The following PARP10 variants were observed in gnomAD, a reference collection of about 807,000 sequenced individuals.
The protein encoded by PARP10 is poly(ADP-ribose) polymerase family member 10.
Under a neutral mutation model 82.4 loss-of-function variants are expected in PARP10, and 56 were observed. The ratio of observed to expected loss-of-function variants is 0.68; its 90% confidence interval spans 0.55 to 0.85. The LOEUF is 0.85. Ranked by LOEUF, PARP10 falls within the 40% of genes least tolerant of loss-of-function variation. The pLI is 0.00. For missense variants in PARP10, 1,227 were observed against 1,379.4 expected, an observed-to-expected ratio of 0.89 and a Z score of 1.75; for synonymous variants, 576 against 601.1, an observed-to-expected ratio of 0.96 and a Z score of 0.61.
chr8:143,998,134 C>T (rs781981639), intron 1 of PARP10, among the ~76,000 whole-genome samples: 1 of 151,986 alleles, frequency 6.6e-6, no homozygotes, highest in Non-Finnish European at 1.5e-5. Flanking sequence ...TGTAGCTGAG[C>T]AGGAATGTAA....
At position 143,977,753 on chromosome 8, in the gene PARP10, C is replaced by G. The variant is rs1554746601; in HGVS notation, c.2809G>C (p.Ala937Pro). The change falls in exon 11 of 11, where the codon GCC becomes CCC. Residue 937 changes from alanine to proline, a missense_variant. Coordinates refer to ENST00000313028, the MANE Select transcript of PARP10 (RefSeq NM_032789.5). ...ACGAACACCGCCTTATGGCCATCGG[C>G]GTTGGGGGGCGAGTAGCGGTCCTGC... ...SVQDRYSPPN[A>P]DGHKAVFVAR... 6.2e-7 allele frequency: 1 copy of G among 1,603,618 alleles called. No individual in the cohort carries two copies. Among genetic ancestry groups the G allele is most frequent in the Non-Finnish European group, 8.5e-7 (1 of 1,175,860 alleles).
chr8:143,983,899 C>A, intron 7 of PARP10, 88 bp from the exon 8 acceptor site: 1 of 1,503,658 alleles, frequency 6.7e-7, no homozygotes, highest in Non-Finnish European at 8.9e-7. Flanking sequence ...TTTTAGGGTA[C>A]AGGGTGGGCC....
upstream of PARP10, chr8:143,986,762 C>T (rs782717121): frequency 1.8e-4 from 55 of 312,350 alleles, no homozygotes; most frequent in Admixed American, 3.2e-4. Context: ...CACCAAGGGG[C>T]CTGAGTCACT....
Position 143,983,759 on chromosome 8 carries a change from C to T in PARP10, c.1830G>A (p.Glu610=), listed in dbSNP as rs1377107848. The part of the protein sequence containing the change: ...ATLEGLDLDG[E]DWLPRELEEE... ...CCTCCAGCTCCCGAGGCAGCCAGTC[C>T]TCCCCGTCTAGGTCTAGGCCCTCCA... Residue 610 remains glutamate, a synonymous_variant, in exon 8 of 11, where the codon GAG becomes GAA. Transcript: ENST00000313028. 1 of 1,612,096 alleles carries T rather than the reference C, an allele frequency of 6.2e-7. No individual in the cohort carries two copies. The highest frequency in any genetic ancestry group is 8.5e-7 in the Non-Finnish European group (1 of 1,179,090).
rs369106066 is a variant in PARP10, at chr8:143,985,147, C to A, written c.855G>T (p.Thr285=). The change falls in exon 5 of 11, where the codon ACG becomes ACT. Residue 285 remains threonine, a synonymous_variant. Coordinates refer to ENST00000313028, the MANE Select transcript of PARP10 (RefSeq NM_032789.5). The part of the protein sequence containing the change: ...HALLRTGGLV[T]ALQGAGTVTM... ...TCACAGTCCCTGCACCCTGCAGAGC[C>A]GTCACCAACCCTCCGGTCCTCAGGA... The A allele has an allele frequency of 2.5e-6, 4 of 1,614,150 alleles. No homozygotes were observed. Among genetic ancestry groups the A allele is most frequent in the Non-Finnish European group, 3.4e-6 (4 of 1,180,034 alleles).
Position 143,983,701 on chromosome 8 carries a change from C to T in PARP10, c.1888G>A (p.Val630Met), listed in dbSNP as rs782497611. 6.2e-7 allele frequency: 1 copy of T among 1,609,708 alleles called. No homozygotes were observed. The highest frequency in any genetic ancestry group is 8.5e-7 in the Non-Finnish European group (1 of 1,177,750). The change falls in exon 8 of 11, where the codon GTG (valine) becomes ATG (methionine). Residue 630 changes from valine (V) to methionine (M), a missense_variant. By Grantham distance (21) the Val-to-Met change is conservative (BLOSUM62 1). Transcript: ENST00000313028. ...TCCTCCTCCTCATGCCCTGGGGTCA[C>T]CTCCTCCTCTGGCTGCTCCTGAGGC... ...EGPQEQPEEEVTPGHEEEEPV... is the reference protein window; with the variant it reads ...EGPQEQPEEEMTPGHEEEEPV...
upstream of PARP10, chr8:143,990,028 C>T (rs1834063400): frequency 6.6e-6 from 1 of 151,290 alleles, no homozygotes; most frequent in Non-Finnish European, 1.5e-5. The surrounding 1 kb of genome is among the most constrained non-coding windows in gnomAD (Gnocchi z 5.6). Context: ...CGAAGCTCGC[C>T]CGGCCCCGCC....
upstream of PARP10, chr8:143,991,042 C>T (rs1235236246): frequency 1.9e-5 from 9 of 466,504 alleles, no homozygotes; most frequent in Non-Finnish European, 1.5e-5. Context: ...CGCGCTTCTC[C>T]GGGCCCAGGC....
Position 143,985,192 on chromosome 8 carries a change from AGGCCCCTG to A in PARP10, c.802_809del (p.Gln268Ter). 1 of 1,614,092 alleles carries A rather than the reference AGGCCCCTG, an allele frequency of 6.2e-7. No homozygotes were observed. Reference sequence around the variant, plus strand: ...TCAGGAGAGCATGCTTGGTAGCCCTAGGCCCCTGGGTGGACGGGTGGTCCCCTCCACTG... The same window carrying A: ...TCAGGAGAGCATGCTTGGTAGCCCTAGGTGGACGGGTGGTCCCCTCCACTG... On this transcript the variant is annotated frameshift_variant, in exon 5 of 11. Coordinates refer to ENST00000313028, the MANE Select transcript of PARP10 (RefSeq NM_032789.5). LOFTEE classifies it high-confidence loss of function.
At chr8:143,988,589 C>T (rs539398306), upstream of PARP10, among the ~76,000 whole-genome samples, 454 of 152,018 alleles carry the variant, frequency 3.0e-3, 2 homozygotes, top group South Asian at 0.011. Flanking sequence ...CCTCAGCCCC[C>T]CCAATAGCTG....
intron 1 of PARP10, among the ~76,000 whole-genome samples, chr8:144,005,913 T>C (rs578194836): frequency 6.6e-5 from 10 of 151,826 alleles, no homozygotes; most frequent in South Asian, 4.2e-4. Flanking sequence ...CACCACCACA[T>C]TGACCATCTT....
At chr8:143,992,724 G>A, upstream of PARP10, 1 of 1,613,778 alleles carries the variant, frequency 6.2e-7, no homozygotes, top group Non-Finnish European at 8.5e-7. Context: ...TGCTACTGGG[G>A]AACAAGCAGC....
chr8:143,989,725 G>A (rs1352301776), upstream of PARP10: 1 of 152,248 alleles, frequency 6.6e-6, no homozygotes, highest in South Asian at 2.1e-4. This position sits in a 1 kb window ranked among gnomAD's most constrained non-coding sequence, Gnocchi z 4.3. Flanking sequence ...TCTTGATTTG[G>A]GAGAGATCTG....
chr8:143,982,492 C>T (rs997739504), intron 9 of PARP10, among the ~76,000 whole-genome samples: 2 of 152,140 alleles, frequency 1.3e-5, no homozygotes, highest in Admixed American at 6.5e-5. Flanking sequence ...GAGTGCCCCG[C>T]GCAGTGTCAT....
chr8:144,002,154 T>C (rs1834207554), intron 1 of PARP10, among the ~76,000 whole-genome samples: 2 of 152,170 alleles, frequency 1.3e-5, no homozygotes, highest in African/African-American at 2.4e-5. Context: ...TACTTTTCAA[T>C]AGGTTTGAAA....
At chr8:144,012,346 A>G (rs1285554263) in intron 1 of PARP10, 4 of 619,174 alleles carry the variant, frequency 6.5e-6, no homozygotes, top group African/African-American at 1.8e-5. Flanking sequence ...GTGTTAGAGC[A>G]GAGAGGGCAA....
Position 143,983,991 on chromosome 8 carries a change from C to T in PARP10, c.1777+17G>A. 2 of 1,507,526 alleles carry T rather than the reference C, an allele frequency of 1.3e-6. No individual in the cohort carries two copies. Among genetic ancestry groups the T allele is most frequent in the Non-Finnish European group, 1.8e-6 (2 of 1,127,020 alleles). 93.4% of individuals were successfully genotyped at this position (1,507,526 alleles called of 1,614,324 possible). On this transcript the variant is annotated intron_variant, in intron 7 of 10. Transcript: ENST00000313028. ...TGAGGGCCACAGGATGTGCTGAGGG[C>T]TCCCAGGGAGCCCTACCCAGGCTCA...
At chr8:143,992,763 T>C (rs782057108), upstream of PARP10, 6 of 1,613,990 alleles carry the variant, frequency 3.7e-6, no homozygotes, top group Non-Finnish European at 4.2e-6. Flanking sequence ...AGTATGTGTT[T>C]GCTGCGCTGA....
chr8:143,986,364 C>T lies in PARP10; in HGVS notation c.-5G>A, dbSNP rs369233505. 7.5e-5 allele frequency: 121 copies of T among 1,614,056 alleles called. No homozygotes were observed. The highest frequency in any genetic ancestry group is 1.3e-4 in the African/African-American group (10 of 74,934). Reference sequence around the variant, plus strand: ...CCCCACATACAGCACTTACATTCCCCGTGGCCGCTAGGCAGCCTCAGGCCA... The same window carrying T: ...CCCCACATACAGCACTTACATTCCCTGTGGCCGCTAGGCAGCCTCAGGCCA... On this transcript the variant is annotated 5_prime_UTR_variant, in exon 1 of 11. Transcript: ENST00000313028.
Sources: gnomAD v4.1 joint callset for allele counts (sites outside exome capture counted in the v4.1 genomes callset) on GRCh38, gnomAD v4.1.1 for gene constraint, Gnocchi (gnomAD v3.1) non-coding constraint, MANE v1.5 for transcripts, NCBI Gene and HGNC (gene_info 2026-07-23, HGNC 2026-07-21) for gene names.